AUTS2: variants seen among roughly 807,000 people sequenced by gnomAD.
AUTS2 encodes autism susceptibility gene 2 protein.
AUTS2 carries 17 observed loss-of-function variants against 112.4 expected under a neutral mutation model. The ratio of observed to expected loss-of-function variants is 0.15; its 90% CI spans 0.10 to 0.23. The LOEUF is 0.23. AUTS2 is among the 10% of genes least tolerant of loss of function. The pLI, the probability that AUTS2 is intolerant of heterozygous loss-of-function variation, is 1.00. For synonymous variants in AUTS2, 751 were observed against 702.7 expected, an observed-to-expected ratio of 1.07 and a Z score of -1.09; for missense variants, 1,510 against 1,701.6, an observed-to-expected ratio of 0.89 and a Z score of 1.98.
intron 5 of AUTS2, among the ~76,000 whole-genome samples, chr7:70,642,542 G>A (rs538243680): frequency 1.3e-5 from 2 of 151,850 alleles, no homozygotes; most frequent in African/African-American, 4.8e-5. Context: ...TCAACCAGGT[G>A]TAAAGTCTTA....
intron 1 of AUTS2, among the ~76,000 whole-genome samples, chr7:69,713,308 A>C (rs563501430): frequency 2.6e-4 from 39 of 152,254 alleles, no homozygotes; most frequent in Middle Eastern, 6.8e-3. Flanking sequence ...TGAAATATAC[A>C]ATCCAATATC....
At chr7:69,980,150 C>A (rs1454649500) in intron 2 of AUTS2, among the ~76,000 whole-genome samples, 1 of 152,072 alleles carries the variant, frequency 6.6e-6, no homozygotes, top group Non-Finnish European at 1.5e-5. Flanking sequence ...ACTCTGTCGC[C>A]CAGGCTGGAA....
intron 1 of AUTS2, among the ~76,000 whole-genome samples, chr7:69,626,953 G>A (rs1445213230): frequency 6.6e-6 from 1 of 152,088 alleles, no homozygotes; most frequent in Non-Finnish European, 1.5e-5. Flanking sequence ...GTTTTGTTTA[G>A]GAAGAAAACA....
chr7:69,668,470 C>T (rs969839544), intron 1 of AUTS2, among the ~76,000 whole-genome samples: 3 of 152,190 alleles, frequency 2.0e-5, no homozygotes, highest in Non-Finnish European at 2.9e-5. Context: ...GGAAACTACC[C>T]ATCCACTATT....
At chr7:69,776,029 G>T (rs550479946) in intron 1 of AUTS2, among the ~76,000 whole-genome samples, 3 of 152,206 alleles carry the variant, frequency 2.0e-5, no homozygotes, top group East Asian at 1.9e-4. Context: ...CACTCCTGTG[G>T]TCTCTAGCCC....
intron 2 of AUTS2, among the ~76,000 whole-genome samples, chr7:70,059,605 A>G (rs1460853319): frequency 6.6e-6 from 1 of 152,178 alleles, no homozygotes; most frequent in Non-Finnish European, 1.5e-5. Context: ...GTGCCATCTG[A>G]GTAGGGCCTT....
intron 5 of AUTS2, among the ~76,000 whole-genome samples, chr7:70,506,040 A>C (rs554210675): frequency 2.6e-4 from 39 of 152,306 alleles, no homozygotes; most frequent in African/African-American, 8.2e-4. Flanking sequence ...ACCTTGTTTG[A>C]GATCATCTCA....
chr7:70,041,188 A>G (rs1455862974), intron 2 of AUTS2, among the ~76,000 whole-genome samples: 1 of 152,218 alleles, frequency 6.6e-6, no homozygotes, highest in Non-Finnish European at 1.5e-5. Context: ...CTGAAGAGGA[A>G]AACTTCCTAT....
intron 5 of AUTS2, among the ~76,000 whole-genome samples, chr7:70,681,525 ATTT>A (rs11312953): frequency 1.0e-3 from 99 of 97,894 alleles, no homozygotes; most frequent in Non-Finnish European, 1.8e-3. Flanking sequence ...ATATATATAT[ATTT>A]TTTTTTTCTT....
chr7:69,630,335 T>C (rs1299914565), intron 1 of AUTS2, among the ~76,000 whole-genome samples: 5 of 152,214 alleles, frequency 3.3e-5, no homozygotes, highest in African/African-American at 9.6e-5. Context: ...AACTAGAGTA[T>C]GTTCATTCCT....
intron 4 of AUTS2, among the ~76,000 whole-genome samples, chr7:70,429,351 C>A (rs1392965017): frequency 6.6e-6 from 1 of 152,176 alleles, no homozygotes; most frequent in Non-Finnish European, 1.5e-5. Context: ...CAAACAACGG[C>A]AGTACAGTTT....
At chr7:70,441,359 T>G (rs1380271801) in intron 5 of AUTS2, among the ~76,000 whole-genome samples, 1 of 152,154 alleles carries the variant, frequency 6.6e-6, no homozygotes, top group Non-Finnish European at 1.5e-5. Flanking sequence ...CACACCTGCT[T>G]TCCCTCTTTC....
At chr7:70,429,288 G>A (rs1418856606) in intron 4 of AUTS2, among the ~76,000 whole-genome samples, 1 of 152,234 alleles carries the variant, frequency 6.6e-6, no homozygotes, top group Non-Finnish European at 1.5e-5. Context: ...GATAAGCAAG[G>A]CACTGTCCTT....
At chr7:69,742,111 C>T (rs1470305087) in intron 1 of AUTS2, among the ~76,000 whole-genome samples, 4 of 125,712 alleles carry the variant, frequency 3.2e-5, no homozygotes, top group East Asian at 4.6e-4. Context: ...CCTATTTTAC[C>T]TTTTTTTTTT....
intron 6 of AUTS2, among the ~76,000 whole-genome samples, chr7:70,760,187 A>G (rs534015992): frequency 3.3e-5 from 5 of 152,196 alleles, no homozygotes; most frequent in Admixed American, 1.3e-4. Context: ...TTGTGTTTTT[A>G]GTAGAGGCAG....
At position 69,659,644 on chromosome 7, in the gene AUTS2, G is replaced by A. The variant is rs1795703582; in HGVS notation, c.309+59682G>A. On this transcript the variant is annotated intron_variant, in intron 1 of 18. Transcript: ENST00000342771. ...CTGTGGCTGAGGCTTAGTTTAATTG[G>A]CTTTCCCGAAGTTTTACAGTTAGCA... Among the ~76,000 whole-genome samples, 2 of 121,406 alleles carry A rather than the reference G, an allele frequency of 1.6e-5. 1 individual carries two copies. Among genetic ancestry groups the A allele is most frequent in the Non-Finnish European group, 3.2e-5 (2 of 62,096 alleles). 79.6% of individuals were successfully genotyped at this position (121,406 alleles called of 152,430 possible).
intron 4 of AUTS2, among the ~76,000 whole-genome samples, chr7:70,303,850 A>G (rs1562865669): frequency 6.6e-6 from 1 of 152,104 alleles, no homozygotes; most frequent in East Asian, 1.9e-4. Flanking sequence ...TTTCTTTTAG[A>G]TGTATCTGCT....
At chr7:70,321,399 T>G (rs1790247683) in intron 4 of AUTS2, among the ~76,000 whole-genome samples, 1 of 152,224 alleles carries the variant, frequency 6.6e-6, no homozygotes, top group Non-Finnish European at 1.5e-5. Flanking sequence ...TTTTGCAGAA[T>G]CTTGTTGGCC....
intron 3 of AUTS2, among the ~76,000 whole-genome samples, chr7:70,122,760 A>G (rs1454345585): frequency 6.6e-6 from 1 of 151,750 alleles, no homozygotes; most frequent in Non-Finnish European, 1.5e-5. Flanking sequence ...ATTTACTGAA[A>G]TGTTTTGAGA....
Sources: allele counts gnomAD v4.1 joint callset (sites outside exome capture counted in the v4.1 genomes callset), GRCh38; gene constraint gnomAD v4.1.1; transcripts MANE v1.5; gene names NCBI Gene and HGNC (gene_info 2026-07-23, HGNC 2026-07-21).